ANK3: variants seen among roughly 807,000 people sequenced by gnomAD.
The protein encoded by ANK3 is ankyrin 3.
A neutral mutation model predicts 370.9 loss-of-function variants in ANK3; 57 were observed. The ratio of observed to expected loss-of-function variants is 0.15; its 90% CI spans 0.12 to 0.19. The LOEUF (loss-of-function observed/expected upper bound fraction) is 0.19. ANK3 is among the 10% of genes least tolerant of loss of function. The pLI, the probability that ANK3 is intolerant of heterozygous loss-of-function variation, is 1.00. For synonymous variants in ANK3, 1,929 were observed against 1,946.3 expected, an observed-to-expected ratio of 0.99 and a Z score of 0.23; for missense variants, 4,439 against 5,302.1, an observed-to-expected ratio of 0.84 and a Z score of 5.06.
intron 7 of ANK3, among the ~76,000 whole-genome samples, chr10:60,259,530 T>C (rs940559706): frequency 2.6e-5 from 4 of 152,250 alleles, no homozygotes; most frequent in Admixed American, 2.6e-4. Context: ...GTGGGTCTGA[T>C]GTCTCCACTG....
At chr10:60,246,163 C>T (rs78807821) in intron 7 of ANK3, among the ~76,000 whole-genome samples, 35 of 146,146 alleles carry the variant, frequency 2.4e-4, no homozygotes, top group Non-Finnish European at 1.3e-4. Context: ...GGCTGATGCA[C>T]GAGAATTGCT....
chr10:60,140,310 A>C (rs752022990), intron 23 of ANK3: 1 of 1,606,508 alleles, frequency 6.2e-7, no homozygotes, highest in South Asian at 1.1e-5. Context: ...ACTGCATCTC[A>C]AACAAAAACA....
intron 28 of ANK3, among the ~76,000 whole-genome samples, chr10:60,094,911 T>C (rs1023626295): frequency 6.6e-6 from 1 of 152,236 alleles, no homozygotes; most frequent in African/African-American, 2.4e-5. Flanking sequence ...GTTTTTTCCC[T>C]GTTTCTTGCT....
rs761565516 is a variant in ANK3, at chr10:60,072,108, A to C, written c.8773T>G (p.Ser2925Ala). 65 of 1,613,630 alleles carry C rather than the reference A, an allele frequency of 4.0e-5. No individual in the cohort carries two copies. Among genetic ancestry groups the C allele is most frequent in the Non-Finnish European group, 4.6e-5 (54 of 1,179,952 alleles). Residue 2925 changes from serine (S) to alanine (A), a missense_variant, in exon 37 of 44, where the codon TCC becomes GCC. Coordinates refer to ENST00000280772, the MANE Select transcript of ANK3 (RefSeq NM_020987.5). Reference protein sequence around the residue: ...EIKEMTVKSPSKKVLYREYVV... With the variant: ...EIKEMTVKSPAKKVLYREYVV... Reference sequence around the variant, plus strand: ...TATTCCCTATATAAGACTTTTTTGGAGGGAGATTTTACAGTCATTTCTTTA... The same window carrying C: ...TATTCCCTATATAAGACTTTTTTGGCGGGAGATTTTACAGTCATTTCTTTA...
At chr10:60,379,650 G>T (rs539473351) in intron 1 of ANK3, among the ~76,000 whole-genome samples, 1 of 151,860 alleles carries the variant, frequency 6.6e-6, no homozygotes, top group African/African-American at 2.4e-5. Context: ...TCATTCATAC[G>T]CAGACACTAA....
intron 16 of ANK3, among the ~76,000 whole-genome samples, chr10:60,192,678 T>C (rs1030163923): frequency 2.0e-5 from 3 of 152,012 alleles, no homozygotes; most frequent in African/African-American, 7.3e-5. Flanking sequence ...TAATAGACAT[T>C]GGAGACTTGG....
intron 4 of ANK3, among the ~76,000 whole-genome samples, chr10:60,272,456 G>T (rs376594792): frequency 0.012 from 1,492 of 121,466 alleles, 12 homozygotes; most frequent in Admixed American, 0.024. Context: ...GAAGTTTTTT[G>T]TTGTTGTTGT....
chr10:60,157,383 G>A (rs1216093774), intron 23 of ANK3, among the ~76,000 whole-genome samples: 1 of 150,634 alleles, frequency 6.6e-6, no homozygotes, highest in Non-Finnish European at 1.5e-5. Flanking sequence ...TGCCCAGGCT[G>A]GAGTGTAGTG....
At chr10:60,513,266 G>A (rs924218580) in intron 2 of ANK3, among the ~76,000 whole-genome samples, 1 of 152,024 alleles carries the variant, frequency 6.6e-6, no homozygotes, top group African/African-American at 2.4e-5. Context: ...TAGCTATGGT[G>A]GAAACAAAGA....
Position 60,450,644 on chromosome 10 carries a change from G to A in ANK3, c.96+164542C>T, listed in dbSNP as rs567070685. ...GAATCAAAAAAAGCGTAAGTTCTTC[G>A]GGCTGGAGTATAAGATGCCTTAGAG... On this transcript the variant is annotated intron_variant, in intron 2 of 43. Transcript: ENST00000373827. Among the ~76,000 whole-genome samples, 222 of 152,240 alleles carry A rather than the reference G, an allele frequency of 1.5e-3. 1 individual carries two copies. Among genetic ancestry groups the A allele is most frequent in the Middle Eastern group, 0.014 (4 of 292 alleles).
Position 60,208,180 on chromosome 10 carries a change from G to T in ANK3, c.1050C>A (p.Val350=), listed in dbSNP as rs772726915. 1.2e-6 allele frequency: 2 copies of T among 1,614,158 alleles called. No individual in the cohort carries two copies. Among genetic ancestry groups the T allele is most frequent in the Non-Finnish European group, 8.5e-7 (1 of 1,180,010 alleles). ...GTACATTATGCTGGAGGAGAAGCTG[G>T]ACGCAGTTTAAATGATCCCCTTGTG... ...MATQGDHLNC[V]QLLLQHNVPV... Residue 350 remains valine, a synonymous_variant, in exon 10 of 44, where the codon GTC becomes GTA. Coordinates refer to ENST00000280772, the MANE Select transcript of ANK3 (RefSeq NM_020987.5).
intron 1 of ANK3, among the ~76,000 whole-genome samples, chr10:60,342,983 T>A (rs941123824): frequency 6.6e-6 from 1 of 152,170 alleles, no homozygotes; most frequent in Non-Finnish European, 1.5e-5. Flanking sequence ...TGCCATGTTT[T>A]TCCTTAAAAA....
At chr10:60,714,473 C>T (rs2079754213) in intron 1 of ANK3, among the ~76,000 whole-genome samples, 1 of 152,162 alleles carries the variant, frequency 6.6e-6, no homozygotes, top group Admixed American at 6.5e-5. Context: ...CTTTCATAAA[C>T]ACAGATGTAA....
intron 2 of ANK3, among the ~76,000 whole-genome samples, chr10:60,430,094 T>C (rs10994344): frequency 0.14 from 21,404 of 152,208 alleles, 1,536 homozygotes; most frequent in South Asian, 0.17. Context: ...ATCTGGCTCA[T>C]CAAAAAATAT....
chr10:60,246,628 G>A (rs551548006), intron 7 of ANK3, among the ~76,000 whole-genome samples: 1 of 152,206 alleles, frequency 6.6e-6, no homozygotes, highest in Non-Finnish European at 1.5e-5. Flanking sequence ...GCTGTTTGTT[G>A]TGAAGTCAGG....
intron 7 of ANK3, among the ~76,000 whole-genome samples, chr10:60,255,584 C>T (rs867667909): frequency 1.3e-5 from 2 of 152,148 alleles, no homozygotes; most frequent in South Asian, 2.1e-4. Context: ...GGCTGTGATG[C>T]TCACCTATGG....
At chr10:60,269,513 T>G (rs2132668281) in intron 5 of ANK3, among the ~76,000 whole-genome samples, 1 of 151,960 alleles carries the variant, frequency 6.6e-6, no homozygotes, top group Admixed American at 6.6e-5. Flanking sequence ...GTGTGGGTGG[T>G]GGGCACCTGT....
chr10:60,214,196 C>T (rs2096899467), intron 8 of ANK3, among the ~76,000 whole-genome samples: 1 of 152,024 alleles, frequency 6.6e-6, no homozygotes, highest in Non-Finnish European at 1.5e-5. Flanking sequence ...GTTTATGTAT[C>T]TGCTAATGAA....
At chr10:60,033,227 C>T (rs901869135) in intron 43 of ANK3, among the ~76,000 whole-genome samples, 4 of 151,894 alleles carry the variant, frequency 2.6e-5, no homozygotes, top group South Asian at 4.2e-4. Flanking sequence ...GGGCCACGCA[C>T]GGTGGCTCAC....
Sources: gnomAD v4.1 joint callset for allele counts (sites outside exome capture counted in the v4.1 genomes callset) on GRCh38, gnomAD v4.1.1 for gene constraint, MANE v1.5 for transcripts, NCBI Gene and HGNC (gene_info 2026-07-23, HGNC 2026-07-21) for gene names.